Variants in MBD5 observed in about 807,000 individuals in gnomAD.
MBD5 encodes the protein methyl-CpG-binding domain protein 5.
Under a neutral mutation model 117.3 loss-of-function variants are expected in MBD5, and 13 were observed. The observed-to-expected ratio is 0.11, with a 90% confidence interval of 0.07 to 0.18. MBD5 has a LOEUF of 0.18. Ranked by LOEUF, MBD5 falls within the 10% of genes least tolerant of loss-of-function variation. MBD5 has a pLI of 1.00. For synonymous variants in MBD5, 727 were observed against 766.4 expected (o/e 0.95, Z 0.85); for missense variants, 1,879 against 2,093.8 (o/e 0.90, Z 2.00).
At chr2:148,510,156 A>G (rs1006633068) in intron 13 of MBD5, 21 bp downstream of exon 13, 1 of 1,546,940 alleles carries the variant, frequency 6.5e-7, no homozygotes, top group Non-Finnish European at 8.9e-7. Flanking sequence ...TTATTTTTCC[A>G]TTATACTACG....
chr2:148,250,266 A>G (rs953418270), intron 3 of MBD5, among the ~76,000 whole-genome samples: 2 of 152,180 alleles, frequency 1.3e-5, no homozygotes, highest in East Asian at 1.9e-4. Flanking sequence ...AATGATGAGA[A>G]CTCATGGACA....
At chr2:148,127,630 C>T (rs1319705608) in intron 1 of MBD5, among the ~76,000 whole-genome samples, 3 of 152,152 alleles carry the variant, frequency 2.0e-5, no homozygotes, top group Non-Finnish European at 2.9e-5. Flanking sequence ...TTTAGTCTAT[C>T]GTTGATGGGT....
At chr2:148,352,340 G>A (rs1337631863) in intron 4 of MBD5, among the ~76,000 whole-genome samples, 1 of 151,914 alleles carries the variant, frequency 6.6e-6, no homozygotes, top group African/African-American at 2.4e-5. Flanking sequence ...TTCACATGCA[G>A]TTGCAGAAAA....
rs1706953567 is a variant in MBD5, at chr2:148,458,485, C to G, written c.-274C>G. The G allele has an allele frequency of 1.7e-6, 1 of 580,184 alleles. No homozygotes were observed. Among genetic ancestry groups the G allele is most frequent in the Non-Finnish European group, 3.1e-6 (1 of 326,346 alleles). The allele number at this position is 580,184 out of a possible 1,614,324, so 35.9% of individuals were successfully genotyped here. A position where few individuals can be genotyped will look rare whatever the true frequency, so the allele number is the denominator to read the frequency against. ...CCAGCATTGGTGAATTATGATTTTC[C>G]TTAGTCAGAAGCACTCATTTTTACC... On this transcript the variant is annotated 5_prime_UTR_variant, in exon 5 of 14. Transcript: ENST00000642680.
In MBD5 at chr2:148,337,519, G is replaced by A. The variant is rs764752390; in HGVS notation, c.-679-4695G>A. Among the ~76,000 whole-genome samples the A allele has an allele frequency of 5.8e-4, 88 of 152,166 alleles. 1 individual carries two copies. Among genetic ancestry groups the A allele is most frequent in the Admixed American group, 1.3e-4 (2 of 15,284 alleles). ...CTTCATTTGTGGAAATTTATGTGTA[G>A]CATGGCAATGCATTGAACATCTCTG... On this transcript the variant is annotated intron_variant, in intron 3 of 13. Transcript: ENST00000642680.
At chr2:148,317,365 G>A (rs147919874) in intron 3 of MBD5, among the ~76,000 whole-genome samples, 1,747 of 151,120 alleles carry the variant, frequency 0.012, 33 homozygotes, top group African/African-American at 0.04. Flanking sequence ...GCGAAACTCC[G>A]CCTCAAAAAA....
At position 148,080,499 on chromosome 2, in the gene MBD5, T is replaced by A. The variant is rs75965391; in HGVS notation, c.-925+58815T>A. 2.6e-3 allele frequency among the ~76,000 whole-genome samples: 396 copies of A among 152,126 alleles called. 1 individual carries two copies. The highest frequency in any genetic ancestry group is 8.8e-3 in the African/African-American group (367 of 41,536). The stretch of plus-strand genomic sequence containing the variant: ...GCTCTATATATAATAATGCTTTTTT[T>A]AAAAAAAATCTGGCATCCACTTTTG... On this transcript the variant is annotated intron_variant, in intron 1 of 13. Transcript: ENST00000642680.
At chr2:148,077,005 G>A (rs1695525405) in intron 1 of MBD5, among the ~76,000 whole-genome samples, 1 of 152,214 alleles carries the variant, frequency 6.6e-6, no homozygotes, top group Non-Finnish European at 1.5e-5. Context: ...GAAAAGAAAT[G>A]AATGAAGGGG....
chr2:148,334,552 T>C (rs1194110561), intron 3 of MBD5, among the ~76,000 whole-genome samples: 1 of 152,138 alleles, frequency 6.6e-6, no homozygotes, highest in Non-Finnish European at 1.5e-5. Flanking sequence ...CAGGCTGACC[T>C]CAAGCTCCTG....
intron 1 of MBD5, among the ~76,000 whole-genome samples, chr2:148,127,576 G>A (rs945480864): frequency 2.6e-5 from 4 of 152,074 alleles, no homozygotes; most frequent in African/African-American, 9.7e-5. Context: ...TCCTTTCTAC[G>A]CCTGCATCGT....
intron 3 of MBD5, among the ~76,000 whole-genome samples, chr2:148,325,663 T>C (rs2106598026): frequency 6.6e-6 from 1 of 152,342 alleles, no homozygotes; most frequent in East Asian, 1.9e-4. Flanking sequence ...TTTGTATTTC[T>C]GTGGGATCGG....
intron 3 of MBD5, among the ~76,000 whole-genome samples, chr2:148,257,403 G>C (rs1266644814): frequency 6.6e-6 from 1 of 152,170 alleles, no homozygotes. Flanking sequence ...ATCCCAGGAG[G>C]CCCACAAAAA....
chr2:148,296,219 T>G (rs1262810886), intron 3 of MBD5: 1 of 193,972 alleles, frequency 5.2e-6, no homozygotes, highest in Admixed American at 6.3e-5. Flanking sequence ...GTGACCATTT[T>G]GTTTATCCTG....
intron 3 of MBD5, among the ~76,000 whole-genome samples, chr2:148,314,298 A>G (rs926617336): frequency 6.6e-6 from 1 of 151,064 alleles, no homozygotes. Context: ...TAGATATCTT[A>G]ACTTCTTTAT....
intron 4 of MBD5, among the ~76,000 whole-genome samples, chr2:148,401,817 C>T (rs186149813): frequency 3.3e-5 from 5 of 152,190 alleles, no homozygotes; most frequent in East Asian, 1.9e-4. Flanking sequence ...CAGGATCCCA[C>T]GTTACATTTA....
intron 1 of MBD5, among the ~76,000 whole-genome samples, chr2:148,082,556 C>A (rs930017419): frequency 5.3e-5 from 8 of 152,288 alleles, no homozygotes; most frequent in African/African-American, 1.4e-4. Context: ...CAGATATTTA[C>A]TGAGTCACTA....
intron 11 of MBD5, among the ~76,000 whole-genome samples, chr2:148,492,474 G>A (rs1379090865): frequency 6.6e-6 from 1 of 151,856 alleles, no homozygotes; most frequent in Non-Finnish European, 1.5e-5. Flanking sequence ...ACATTTAGAG[G>A]TGAAAAACTG....
At chr2:148,455,420 C>T (rs1025271079) in intron 4 of MBD5, among the ~76,000 whole-genome samples, 1 of 152,168 alleles carries the variant, frequency 6.6e-6, no homozygotes, top group East Asian at 1.9e-4. Context: ...CATCAAACTT[C>T]GAACAGGCAT....
intron 2 of MBD5, among the ~76,000 whole-genome samples, chr2:148,212,544 T>G (rs547695843): frequency 1.3e-5 from 2 of 152,154 alleles, no homozygotes; most frequent in Non-Finnish European, 1.5e-5. Flanking sequence ...AAATTATAGT[T>G]TGGTATAGAG....
Sources: allele counts gnomAD v4.1 joint callset (sites outside exome capture counted in the v4.1 genomes callset), GRCh38; gene constraint gnomAD v4.1.1; transcripts MANE v1.5; gene names NCBI Gene and HGNC (gene_info 2026-07-23, HGNC 2026-07-21).